Variants in MECR observed in about 807,000 individuals in gnomAD.
The protein encoded by MECR is mitochondrial trans-2-enoyl-CoA reductase, also known as enoyl-[acyl-carrier-protein] reductase, mitochondrial.
In MECR, 37 loss-of-function variants were observed where a neutral mutation model predicts 49.1. The observed-to-expected ratio is 0.75, with a 90% confidence interval of 0.58 to 0.99. The LOEUF is 0.99. Among genes scored for constraint, MECR ranks in the 50% least tolerant of loss-of-function variants. The pLI is 0.00. For synonymous variants in MECR, 198 were observed against 191.1 expected, an observed-to-expected ratio of 1.04 and a Z score of -0.30; for missense variants, 470 against 479.6, an observed-to-expected ratio of 0.98 and a Z score of 0.19.
chr1:29,220,553 G>A (rs1680529194), intron 1 of MECR, among the ~76,000 whole-genome samples: 1 of 152,212 alleles, frequency 6.6e-6, no homozygotes. Flanking sequence ...TTATCCTTAA[G>A]AGCATTCAGT....
the MECR span, among the ~76,000 whole-genome samples, chr1:29,175,929 G>A: frequency 6.6e-6 from 1 of 152,102 alleles, no homozygotes; most frequent in South Asian, 2.1e-4. Context: ...CAAATGGGAT[G>A]CTATTTCTGA....
the MECR span, among the ~76,000 whole-genome samples, chr1:29,184,159 T>A: frequency 6.8e-6 from 1 of 146,466 alleles, no homozygotes; most frequent in Non-Finnish European, 1.5e-5. Context: ...ACTACAGGCG[T>A]GAGCCACTGT....
At chr1:29,174,810 A>G in the MECR span, among the ~76,000 whole-genome samples, 1 of 150,892 alleles carries the variant, frequency 6.6e-6, no homozygotes, top group Non-Finnish European at 1.5e-5. Context: ...AGTAGCTGGG[A>G]CTACAGGCGT....
At chr1:29,218,757 G>A (rs1016447686) in intron 1 of MECR, among the ~76,000 whole-genome samples, 5 of 152,140 alleles carry the variant, frequency 3.3e-5, no homozygotes, top group Non-Finnish European at 5.9e-5. Flanking sequence ...TGTAGTCCCA[G>A]CTACTTAATT....
chr1:29,205,232 T>C (rs1676290462), intron 4 of MECR, among the ~76,000 whole-genome samples: 1 of 152,150 alleles, frequency 6.6e-6, no homozygotes, highest in African/African-American at 2.4e-5. Flanking sequence ...TTGCCCAGGC[T>C]GGAGTGCGGT....
chr1:29,199,667 G>A (rs921394806), intron 7 of MECR, among the ~76,000 whole-genome samples: 14 of 151,930 alleles, frequency 9.2e-5, no homozygotes, highest in African/African-American at 3.1e-4. Flanking sequence ...CACCCAGGCT[G>A]GAGTAGAGTG....
In MECR at chr1:29,230,880, C is replaced by T. The variant is rs777964223; in HGVS notation, c.27G>A (p.Arg9=). 3.2e-5 allele frequency: 51 copies of T among 1,609,362 alleles called. No homozygotes were observed. The East Asian group carries it at 1.1e-3, about 34-fold the overall frequency. Residue 9 remains arginine (R), a synonymous_variant, in exon 1 of 10, where the codon CGG becomes CGA. Transcript: ENST00000263702. ...GCCACTGCCGGGCGGGGGTTCGCACCCGCCACAGGGTACTGCAGACCCACA... is the reference window on the plus strand; with the variant it reads ...GCCACTGCCGGGCGGGGGTTCGCACTCGCCACAGGGTACTGCAGACCCACA... MWVCSTLW[R]VRTPARQWRG...
the MECR span, chr1:29,182,007 T>G: frequency 3.0e-6 from 1 of 328,904 alleles, no homozygotes; most frequent in Non-Finnish European, 5.4e-6. Flanking sequence ...GGGAGGAGCT[T>G]GCCCGGGGGC....
At chr1:29,228,515 C>A (rs2151924800) in intron 1 of MECR, among the ~76,000 whole-genome samples, 1 of 152,122 alleles carries the variant, frequency 6.6e-6, no homozygotes, top group South Asian at 2.1e-4. Context: ...CCATGCCCAG[C>A]TAATTTTTGT....
rs1675441579 is a variant in MECR, at chr1:29,202,024, A to G, written c.675T>C (p.Ser225=). The G allele has an allele frequency of 6.2e-7, 1 of 1,613,846 alleles. No individual in the cohort carries two copies. Among genetic ancestry groups the G allele is most frequent in the Non-Finnish European group, 8.5e-7 (1 of 1,179,978 alleles). ...VRDRPDIQKL[S]DRLKSLGAEH... is the part of the protein sequence containing the mutation. The stretch of plus-strand genomic sequence containing the variant: ...CAGCCCCCAGACTCTTCAGTCTGTC[A>G]CTCAGCTTCTGGATATCAGGTCTGG... The change falls in exon 6 of 10, where the codon AGT becomes AGC. Residue 225 remains serine (S), a synonymous_variant. Transcript: ENST00000263702.
chr1:29,206,116 C>T (rs1356868570), intron 4 of MECR, among the ~76,000 whole-genome samples: 1 of 152,156 alleles, frequency 6.6e-6, no homozygotes, highest in Non-Finnish European at 1.5e-5. Context: ...CACTGTATGC[C>T]CAGCACTGTG....
chr1:29,201,263 A>G lies in MECR; in HGVS notation c.757-674T>C, dbSNP rs907868369. 9.8e-6 allele frequency: 4 copies of G among 408,242 alleles called. No individual in the cohort carries two copies. Among genetic ancestry groups the G allele is most frequent in the African/African-American group, 4.2e-5 (2 of 47,904 alleles). 25.3% of individuals were successfully genotyped at this position (408,242 alleles called of 1,614,324 possible). A position where few individuals can be genotyped will look rare whatever the true frequency, so the allele number is the denominator to read the frequency against. ...TTCTTTGACTCAGCTGATATTATAT[A>G]TGCTGATCTACTGCTTCAGAAATGT... On this transcript the variant is annotated intron_variant, in intron 6 of 9. Coordinates refer to ENST00000263702, the MANE Select transcript of MECR (RefSeq NM_016011.5). This position sits in a 1 kb window ranked among gnomAD's most constrained non-coding sequence, Gnocchi z 4.3.
rs1675272946 is a variant in MECR, at chr1:29,201,351, G to C, written c.756+592C>G. 1 of 527,502 alleles carries C rather than the reference G, an allele frequency of 1.9e-6. No individual in the cohort carries two copies. The highest frequency in any genetic ancestry group is 2.0e-5 in the Admixed American group (1 of 49,670). 32.7% of individuals were successfully genotyped at this position (527,502 alleles called of 1,614,324 possible). A position where few individuals can be genotyped will look rare whatever the true frequency, so the allele number is the denominator to read the frequency against. On this transcript the variant is annotated intron_variant, in intron 6 of 9. Transcript: ENST00000263702. This position sits in a 1 kb window ranked among gnomAD's most constrained non-coding sequence, Gnocchi z 4.3. The stretch of plus-strand genomic sequence containing the variant: ...TTCCTCCAGATGGTTCAGTGAAAAG[G>C]GGCTGAGGGTCTGGTCACTTACTAG...
At chr1:29,197,748 C>T (rs534155380) in intron 7 of MECR, among the ~76,000 whole-genome samples, 1 of 152,248 alleles carries the variant, frequency 6.6e-6, no homozygotes, top group Admixed American at 6.5e-5. Flanking sequence ...AGCCCTCTCT[C>T]TTCTGTATCC....
At chr1:29,227,199 G>A (rs1286690118) in intron 1 of MECR, among the ~76,000 whole-genome samples, 1 of 152,064 alleles carries the variant, frequency 6.6e-6, no homozygotes, top group African/African-American at 2.4e-5. Flanking sequence ...CTGACCTCTG[G>A]TGATCCGCCC....
chr1:29,185,688 T>A, the MECR span, among the ~76,000 whole-genome samples: 1 of 152,224 alleles, frequency 6.6e-6, no homozygotes, highest in African/African-American at 2.4e-5. Flanking sequence ...GGGCTGGGAT[T>A]ACAGGTGTGA....
intron 6 of MECR, among the ~76,000 whole-genome samples, chr1:29,200,856 A>G (rs1470383219): frequency 6.6e-6 from 1 of 151,992 alleles, no homozygotes; most frequent in Non-Finnish European, 1.5e-5. Context: ...TGGTGCAATC[A>G]TGGCTCACTG....
At chr1:29,178,409 T>C in the MECR span, among the ~76,000 whole-genome samples, 2 of 147,232 alleles carry the variant, frequency 1.4e-5, no homozygotes, top group African/African-American at 5.0e-5. Context: ...AGTGGCACGA[T>C]CTCGGCTCAC....
intron 3 of MECR, among the ~76,000 whole-genome samples, chr1:29,212,658 C>T (rs1277721855): frequency 6.6e-6 from 1 of 152,220 alleles, no homozygotes; most frequent in African/African-American, 2.4e-5. Flanking sequence ...TGAAGCCTGA[C>T]TTGTTTGCCC....
Sources: gnomAD v4.1 joint callset for allele counts (sites outside exome capture counted in the v4.1 genomes callset) on GRCh38, gnomAD v4.1.1 for gene constraint, Gnocchi (gnomAD v3.1) non-coding constraint, MANE v1.5 for transcripts, NCBI Gene and HGNC (gene_info 2026-07-23, HGNC 2026-07-21) for gene names.